Variants in PARD3 observed in about 807,000 individuals in gnomAD.
PARD3 encodes the protein par-3 family cell polarity regulator, also known as partitioning defective 3 homolog.
A neutral mutation model predicts 155.4 loss-of-function variants in PARD3; 75 were observed. The ratio of observed to expected loss-of-function variants is 0.48; its 90% CI spans 0.40 to 0.58. The LOEUF is 0.58. PARD3 is among the 20% of genes least tolerant of loss of function. The pLI, the probability that PARD3 is intolerant of heterozygous loss-of-function variation, is 0.00. For missense variants in PARD3, 1,642 were observed against 1,721.7 expected (o/e 0.95, Z 0.82); for synonymous variants, 576 against 610.5 (o/e 0.94, Z 0.83).
At chr10:34,172,603 G>A (rs1010085788) in intron 22 of PARD3, among the ~76,000 whole-genome samples, 6 of 151,942 alleles carry the variant, frequency 3.9e-5, no homozygotes, top group Non-Finnish European at 7.4e-5. Flanking sequence ...TGCTGTGCAT[G>A]GACCACCTTT....
intron 2 of PARD3, among the ~76,000 whole-genome samples, chr10:34,671,844 C>G (rs1415943608): frequency 7.2e-6 from 1 of 139,550 alleles, no homozygotes; most frequent in Non-Finnish European, 1.5e-5. Flanking sequence ...CAAAAACATG[C>G]TTTACAGTTT....
At chr10:34,318,398 T>A (rs1589158491) in intron 19 of PARD3, among the ~76,000 whole-genome samples, 1 of 152,166 alleles carries the variant, frequency 6.6e-6, no homozygotes, top group Non-Finnish European at 1.5e-5. Context: ...TTTTCCAGCA[T>A]CAACAAAGAA....
At chr10:34,281,097 C>A (rs1049252785) in intron 21 of PARD3, among the ~76,000 whole-genome samples, 1 of 151,312 alleles carries the variant, frequency 6.6e-6, no homozygotes, top group African/African-American at 2.5e-5. Flanking sequence ...AGAAATCTAT[C>A]ACGGGGCTTT....
At chr10:34,596,949 T>A (rs1195647986) in intron 2 of PARD3, among the ~76,000 whole-genome samples, 1 of 152,182 alleles carries the variant, frequency 6.6e-6, no homozygotes, top group Non-Finnish European at 1.5e-5. Flanking sequence ...TAGACTTAAA[T>A]ATAGCGAGTG....
At chr10:34,112,566 G>A (rs1001360857) in intron 24 of PARD3, among the ~76,000 whole-genome samples, 14 of 152,220 alleles carry the variant, frequency 9.2e-5, no homozygotes, top group African/African-American at 1.7e-4. Flanking sequence ...AAAGTATATT[G>A]CTCCATTTAT....
intron 2 of PARD3, among the ~76,000 whole-genome samples, chr10:34,572,908 G>T (rs1336217847): frequency 6.6e-6 from 1 of 151,830 alleles, no homozygotes; most frequent in African/African-American, 2.4e-5. Flanking sequence ...AATCCATTTC[G>T]GTGGCAGAAT....
At chr10:34,502,560 TTG>T (rs1197416278) in intron 3 of PARD3, among the ~76,000 whole-genome samples, 1 of 152,158 alleles carries the variant, frequency 6.6e-6, no homozygotes, top group Admixed American at 6.5e-5. Context: ...CTAGTACTAA[TTG>T]TGTGTGTAGC....
At chr10:34,692,449 A>G (rs1208035469) in intron 2 of PARD3, among the ~76,000 whole-genome samples, 3 of 152,240 alleles carry the variant, frequency 2.0e-5, no homozygotes, top group Non-Finnish European at 4.4e-5. Flanking sequence ...AAAAGAAACT[A>G]TCAACAGAGT....
chr10:34,638,787 C>T (rs915726644), intron 2 of PARD3, among the ~76,000 whole-genome samples: 2 of 152,230 alleles, frequency 1.3e-5, no homozygotes, highest in African/African-American at 4.8e-5. Flanking sequence ...ACGTAAAAAT[C>T]TTATGCTTTC....
intron 19 of PARD3, among the ~76,000 whole-genome samples, chr10:34,326,596 T>C (rs1835057557): frequency 6.6e-6 from 1 of 152,170 alleles, no homozygotes; most frequent in South Asian, 2.1e-4. Context: ...TAGGTGGTGA[T>C]GAAAGGTGGC....
At chr10:34,336,010 T>A (rs921237270) in intron 18 of PARD3, among the ~76,000 whole-genome samples, 189 bp downstream of exon 18, 1 of 152,154 alleles carries the variant, frequency 6.6e-6, no homozygotes, top group Admixed American at 6.6e-5. Context: ...ATTTAGTAAG[T>A]ACACCACTGA....
rs74775419 is a variant in PARD3, at chr10:34,608,134, T to C, written c.222+88184A>G. On this transcript the variant is annotated intron_variant, in intron 2 of 24. Coordinates refer to ENST00000374788, the MANE Select transcript of PARD3 (RefSeq NM_001184785.2). ...TACTGACATGTGTCAAGCCTCTCAA[T>C]GCTGCACGGTCCCAGCACAGGATGC... is the stretch of plus-strand genomic sequence containing the variant. 1.4e-3 allele frequency among the ~76,000 whole-genome samples: 211 copies of C among 152,278 alleles called. 1 individual carries two copies. The highest frequency in any genetic ancestry group is 4.9e-3 in the African/African-American group (204 of 41,560).
At chr10:34,429,957 T>G (rs1285297736) in intron 5 of PARD3, among the ~76,000 whole-genome samples, 1 of 152,214 alleles carries the variant, frequency 6.6e-6, no homozygotes, top group African/African-American at 2.4e-5. Flanking sequence ...CTCGAACTCC[T>G]AGGCCCAAGC....
chr10:34,214,934 T>C (rs1198500843), intron 22 of PARD3, among the ~76,000 whole-genome samples: 1 of 152,150 alleles, frequency 6.6e-6, no homozygotes, highest in Non-Finnish European at 1.5e-5. Context: ...TGAGACGCAG[T>C]CAGGAATGTA....
At chr10:34,431,740 CAAAAAAAAA>C (rs57001926) in intron 5 of PARD3, among the ~76,000 whole-genome samples, 23 of 25,190 alleles carry the variant, frequency 9.1e-4, no homozygotes, top group South Asian at 6.5e-3. Context: ...AACTCTGTCT[CAAAAAAAAA>C]AAAAAAAAAA....
At chr10:34,191,779 A>G (rs1950722027) in intron 22 of PARD3, among the ~76,000 whole-genome samples, 2 of 152,290 alleles carry the variant, frequency 1.3e-5, no homozygotes, top group South Asian at 4.1e-4. Context: ...GAAGAACAAC[A>G]GTCTCAGCGT....
At chr10:34,245,546 A>C (rs1194932252) in intron 22 of PARD3, among the ~76,000 whole-genome samples, 2 of 151,948 alleles carry the variant, frequency 1.3e-5, no homozygotes, top group Non-Finnish European at 1.5e-5. Flanking sequence ...CTGTGACTTC[A>C]TTATGCCAGA....
chr10:34,203,924 G>A (rs1951338764), intron 22 of PARD3, among the ~76,000 whole-genome samples: 1 of 152,214 alleles, frequency 6.6e-6, no homozygotes, highest in African/African-American at 2.4e-5. Context: ...GATATCTAAT[G>A]TCTTTCAAAG....
At chr10:34,515,596 G>A (rs2081673425) in intron 3 of PARD3, among the ~76,000 whole-genome samples, 1 of 152,128 alleles carries the variant, frequency 6.6e-6, no homozygotes, top group African/African-American at 2.4e-5. Context: ...TGTGGGTTCT[G>A]ATGGGCTAAC....
Sources: allele counts gnomAD v4.1 joint callset (sites outside exome capture counted in the v4.1 genomes callset), GRCh38; gene constraint gnomAD v4.1.1; transcripts MANE v1.5; gene names NCBI Gene and HGNC (gene_info 2026-07-23, HGNC 2026-07-21).